Variants in BMPER observed in about 807,000 individuals in gnomAD.
BMPER encodes BMP-binding endothelial regulator protein.
Under a neutral mutation model 87.3 loss-of-function variants are expected in BMPER, and 45 were observed. The observed-to-expected ratio is 0.52, with a 90% CI of 0.41 to 0.66. BMPER has a LOEUF of 0.66. Ranked by LOEUF, BMPER falls within the 30% of genes least tolerant of loss-of-function variation. BMPER has a pLI of 0.00. For missense variants in BMPER, 784 were observed against 867.5 expected, an observed-to-expected ratio of 0.90 and a Z score of 1.21; for synonymous variants, 326 against 316.2, an observed-to-expected ratio of 1.03 and a Z score of -0.33.
At chr7:33,949,515 G>GT (rs1784969442) in intron 3 of BMPER, among the ~76,000 whole-genome samples, 1 of 151,808 alleles carries the variant, frequency 6.6e-6, no homozygotes, top group African/African-American at 2.4e-5. Context: ...CTAATTTAAT[G>GT]GTGAGACTCT....
chr7:34,123,337 T>G (rs1032950221), intron 13 of BMPER, among the ~76,000 whole-genome samples: 3 of 152,190 alleles, frequency 2.0e-5, no homozygotes, highest in African/African-American at 7.2e-5. Flanking sequence ...CCTTGTTAGC[T>G]GTGTTCAATT....
chr7:34,115,598 G>A (rs2127987582), intron 13 of BMPER, among the ~76,000 whole-genome samples: 1 of 152,228 alleles, frequency 6.6e-6, no homozygotes, highest in East Asian at 1.9e-4. Flanking sequence ...TATATAATAT[G>A]TGGTTGTGAC....
intron 3 of BMPER, among the ~76,000 whole-genome samples, chr7:33,945,847 G>A (rs1441403905): frequency 1.3e-5 from 2 of 152,072 alleles, no homozygotes; most frequent in African/African-American, 2.4e-5. Context: ...GAGAAGTTCA[G>A]TCATTCATCT....
At chr7:34,150,309 C>T (rs907345395) in intron 14 of BMPER, among the ~76,000 whole-genome samples, 1 of 152,110 alleles carries the variant, frequency 6.6e-6, no homozygotes, top group Non-Finnish European at 1.5e-5. Context: ...CAATCTTGGC[C>T]GCTCATTAGA....
chr7:34,042,267 C>G (rs144370086), intron 6 of BMPER, among the ~76,000 whole-genome samples: 1 of 152,046 alleles, frequency 6.6e-6, no homozygotes. Context: ...GAACAAATGA[C>G]CATCTCTCTA....
chr7:33,968,333 T>C (rs1453145693), intron 4 of BMPER, among the ~76,000 whole-genome samples: 1 of 152,218 alleles, frequency 6.6e-6, no homozygotes, highest in Non-Finnish European at 1.5e-5. Flanking sequence ...AGCTGGGACC[T>C]TCCCTTTCCT....
intron 6 of BMPER, among the ~76,000 whole-genome samples, chr7:33,989,449 T>A (rs1217325415): frequency 6.6e-6 from 1 of 152,216 alleles, no homozygotes; most frequent in Non-Finnish European, 1.5e-5. Context: ...CTTCGCCCAC[T>A]TTTTGATAGG....
intron 3 of BMPER, among the ~76,000 whole-genome samples, chr7:33,960,248 G>A (rs774111174): frequency 6.6e-6 from 1 of 152,194 alleles, no homozygotes; most frequent in Non-Finnish European, 1.5e-5. Flanking sequence ...CAGGATTCAT[G>A]GTAGGTACAG....
chr7:34,134,834 A>G (rs1790680924), intron 13 of BMPER, among the ~76,000 whole-genome samples: 1 of 152,194 alleles, frequency 6.6e-6, no homozygotes, highest in African/African-American at 2.4e-5. Flanking sequence ...CACTGTTAAA[A>G]GCGTACCTCT....
At chr7:34,065,720 TG>T (rs1788572343) in intron 11 of BMPER, among the ~76,000 whole-genome samples, 3 of 152,254 alleles carry the variant, frequency 2.0e-5, no homozygotes, top group Admixed American at 2.0e-4. Flanking sequence ...TTGCTATCTT[TG>T]CTTTTGTTGC....
chr7:34,134,370 G>T (rs1253752223), intron 13 of BMPER, among the ~76,000 whole-genome samples: 1 of 152,076 alleles, frequency 6.6e-6, no homozygotes, highest in Non-Finnish European at 1.5e-5. Flanking sequence ...AGTAACTCTC[G>T]GCCACTAGAG....
chr7:33,939,986 G>A (rs1784713319), intron 3 of BMPER: 1 of 293,352 alleles, frequency 3.4e-6, no homozygotes, highest in South Asian at 3.2e-5. Context: ...ACACAGTCCT[G>A]TTCACTCTTA....
intron 11 of BMPER, among the ~76,000 whole-genome samples, chr7:34,076,386 A>G (rs1018765396): frequency 2.0e-5 from 3 of 152,316 alleles, no homozygotes; most frequent in Middle Eastern, 3.4e-3. Flanking sequence ...CCATCAAGGA[A>G]TAACCACTGT....
At chr7:33,941,241 A>G (rs1054609105) in intron 3 of BMPER, among the ~76,000 whole-genome samples, 10 of 144,664 alleles carry the variant, frequency 6.9e-5, no homozygotes, top group African/African-American at 2.5e-4. Flanking sequence ...TATTTATATT[A>G]TATACATTTT....
intron 3 of BMPER, among the ~76,000 whole-genome samples, chr7:33,956,628 C>G (rs1785154254): frequency 6.6e-6 from 1 of 152,158 alleles, no homozygotes. Flanking sequence ...AGACCAACCA[C>G]TCCCCTTCCT....
At chr7:34,012,869 A>G (rs769895061) in intron 6 of BMPER, among the ~76,000 whole-genome samples, 46 of 152,080 alleles carry the variant, frequency 3.0e-4, no homozygotes, top group Middle Eastern at 3.4e-3. Context: ...ACAATCTCAA[A>G]TGGAATCAAT....
chr7:33,995,293 C>T (rs1169421156), intron 6 of BMPER, among the ~76,000 whole-genome samples: 1 of 152,092 alleles, frequency 6.6e-6, no homozygotes, highest in Non-Finnish European at 1.5e-5. Flanking sequence ...AAGAGGCTCT[C>T]ATCCATTTTG....
At chr7:33,965,594 A>C (rs1785385530) in intron 3 of BMPER, among the ~76,000 whole-genome samples, 1 of 152,208 alleles carries the variant, frequency 6.6e-6, no homozygotes, top group Admixed American at 6.5e-5. Context: ...TGTATTAAGC[A>C]ATCCAGACTA....
At chr7:33,952,202 A>G (rs1235985009) in intron 3 of BMPER, among the ~76,000 whole-genome samples, 1 of 152,228 alleles carries the variant, frequency 6.6e-6, no homozygotes, top group African/African-American at 2.4e-5. Flanking sequence ...ATAACATCAT[A>G]TAGAATGAAC....
Sources: gnomAD v4.1 joint callset for allele counts (sites outside exome capture counted in the v4.1 genomes callset) on GRCh38, gnomAD v4.1.1 for gene constraint, MANE v1.5 for transcripts, NCBI Gene and HGNC (gene_info 2026-07-23, HGNC 2026-07-21) for gene names.